TNKS: variants seen among roughly 807,000 people sequenced by gnomAD.
The protein encoded by TNKS is poly [ADP-ribose] polymerase tankyrase-1.
TNKS carries 72 observed loss-of-function variants against 135.8 expected under a neutral mutation model. The ratio of observed to expected loss-of-function variants is 0.53; its 90% CI spans 0.44 to 0.64. TNKS has a LOEUF of 0.64. Ranked by LOEUF, TNKS falls within the 30% of genes least tolerant of loss-of-function variation. The pLI is 0.00. For synonymous variants in TNKS, 849 were observed against 649.3 expected, an observed-to-expected ratio of 1.31 and a Z score of -4.68; for missense variants, 1,769 against 1,674.0, an observed-to-expected ratio of 1.06 and a Z score of -0.99.
chr8:9,606,510 A>C (rs1024659035), intron 2 of TNKS, among the ~76,000 whole-genome samples: 4 of 152,090 alleles, frequency 2.6e-5, no homozygotes, highest in Non-Finnish European at 5.9e-5. Flanking sequence ...TGAGTCCTTC[A>C]ACTTTTTAGT....
chr8:9,697,702 C>T (rs920237856), intron 5 of TNKS, among the ~76,000 whole-genome samples: 6 of 152,138 alleles, frequency 3.9e-5, no homozygotes, highest in Non-Finnish European at 8.8e-5. Context: ...CATTACTAAT[C>T]ATCAGAGAAA....
At chr8:9,644,975 G>C (rs1800865655) in intron 3 of TNKS, among the ~76,000 whole-genome samples, 1 of 152,088 alleles carries the variant, frequency 6.6e-6, no homozygotes, top group Non-Finnish European at 1.5e-5. Flanking sequence ...AGCATGTAAA[G>C]GTAGACTAGG....
chr8:9,730,796 T>A, intron 13 of TNKS, 94 bp from the exon 14 acceptor site: 1 of 1,364,170 alleles, frequency 7.3e-7, no homozygotes, highest in Non-Finnish European at 1.0e-6. Context: ...AATTATAATT[T>A]ACTTATCCAA....
chr8:9,586,015 A>C (rs1798367114), intron 2 of TNKS, among the ~76,000 whole-genome samples: 1 of 152,354 alleles, frequency 6.6e-6, no homozygotes, highest in Admixed American at 6.5e-5. Context: ...TAAGAGGATT[A>C]AATGAGATAA....
At chr8:9,666,470 C>T (rs967691874) in intron 3 of TNKS, among the ~76,000 whole-genome samples, 1 of 151,858 alleles carries the variant, frequency 6.6e-6, no homozygotes, top group African/African-American at 2.4e-5. Context: ...CTGTAATCCC[C>T]GCACTTTGGG....
chr8:9,706,085 A>T, intron 6 of TNKS, 102 bp from the exon 7 acceptor site: 1 of 669,518 alleles, frequency 1.5e-6, no homozygotes. Context: ...TAAATATTTT[A>T]AAATAATTGT....
chr8:9,672,681 T>TACACAC (rs60210743), intron 3 of TNKS, among the ~76,000 whole-genome samples: 1,389 of 84,610 alleles, frequency 0.016, 30 homozygotes, highest in Non-Finnish European at 0.024. Context: ...AAAAAACACA[T>TACACAC]ACACACACAC....
At chr8:9,759,377 C>G (rs1585427904) in intron 20 of TNKS, among the ~76,000 whole-genome samples, 1 of 152,216 alleles carries the variant, frequency 6.6e-6, no homozygotes, top group Non-Finnish European at 1.5e-5. Context: ...ATAAGTCTGT[C>G]TCACACGGGG....
At chr8:9,703,614 A>G (rs983088741) in intron 5 of TNKS, among the ~76,000 whole-genome samples, 3 of 152,224 alleles carry the variant, frequency 2.0e-5, no homozygotes, top group Non-Finnish European at 2.9e-5. Context: ...CTGACAGAAT[A>G]TGTAAAATGT....
At chr8:9,673,885 T>A (rs567671754) in intron 3 of TNKS, among the ~76,000 whole-genome samples, 1 of 152,310 alleles carries the variant, frequency 6.6e-6, no homozygotes, top group East Asian at 1.9e-4. Flanking sequence ...TTTAAAAAAA[T>A]GTTGTAACAA....
At chr8:9,746,817 A>T (rs1353978527) in intron 17 of TNKS, among the ~76,000 whole-genome samples, 1 of 147,606 alleles carries the variant, frequency 6.8e-6, no homozygotes, top group Non-Finnish European at 1.5e-5. Flanking sequence ...CTTTACTTTG[A>T]TGTTTTACCT....
At chr8:9,761,299 A>G (rs1365633225) in intron 20 of TNKS, among the ~76,000 whole-genome samples, 1 of 152,182 alleles carries the variant, frequency 6.6e-6, no homozygotes, top group African/African-American at 2.4e-5. Context: ...TTTAATTCTC[A>G]TGGACAAAAA....
rs910193644 is a variant in TNKS, at chr8:9,764,664, C to G, written c.3373-52C>G. 110 of 1,425,532 alleles carry G rather than the reference C, an allele frequency of 7.7e-5. 1 individual carries two copies. The South Asian group carries it at 1.4e-3, about 18-fold the overall frequency. 88.3% of individuals were successfully genotyped at this position (1,425,532 alleles called of 1,614,324 possible). Reference sequence around the variant, plus strand: ...TACTGAATTTTAGACTCATCATTGTCTAGAATTACACACTGGGATGTTTTT... The same window carrying G: ...TACTGAATTTTAGACTCATCATTGTGTAGAATTACACACTGGGATGTTTTT... On this transcript the variant is annotated intron_variant, in intron 22 of 26. Transcript: ENST00000310430.
chr8:9,560,855 C>G (rs978144297), intron 1 of TNKS, among the ~76,000 whole-genome samples: 2 of 151,636 alleles, frequency 1.3e-5, no homozygotes, highest in African/African-American at 4.8e-5. Context: ...GAAGGTACCT[C>G]TTTAAAAAAA....
chr8:9,695,406 G>A (rs775382231), intron 5 of TNKS, among the ~76,000 whole-genome samples: 21 of 152,088 alleles, frequency 1.4e-4, no homozygotes, highest in Non-Finnish European at 2.2e-4. Flanking sequence ...ACTGATAATT[G>A]TGGCATTTGA....
chr8:9,772,080 A>G (rs1338319803), intron 26 of TNKS, among the ~76,000 whole-genome samples: 2 of 133,478 alleles, frequency 1.5e-5, no homozygotes, highest in Non-Finnish European at 3.2e-5. Flanking sequence ...AGAGAGGGAG[A>G]GAGAAGGAGG....
intron 3 of TNKS, among the ~76,000 whole-genome samples, chr8:9,621,193 C>T (rs1192501475): frequency 2.0e-5 from 3 of 152,086 alleles, no homozygotes; most frequent in Non-Finnish European, 4.4e-5. Context: ...GAGTTTTTAT[C>T]AACAGATTTC....
intron 26 of TNKS, 30 bp from the exon 27 acceptor site, chr8:9,776,620 G>T: frequency 6.2e-7 from 1 of 1,602,068 alleles, no homozygotes; most frequent in Non-Finnish European, 8.6e-7. Flanking sequence ...TACTAGAAGG[G>T]TGATTTGTTT....
chr8:9,580,123 A>G (rs1391301106), intron 1 of TNKS, 36 bp from the exon 2 acceptor site: 1 of 1,572,694 alleles, frequency 6.4e-7, no homozygotes, highest in South Asian at 1.1e-5. Context: ...TACAAAATCA[A>G]ATATATATAC....
Sources: allele counts gnomAD v4.1 joint callset (sites outside exome capture counted in the v4.1 genomes callset), GRCh38; gene constraint gnomAD v4.1.1; transcripts MANE v1.5; gene names NCBI Gene and HGNC (gene_info 2026-07-23, HGNC 2026-07-21).